The following AGBL4 variants were observed in gnomAD, a reference collection of about 807,000 sequenced individuals.
AGBL4 encodes the protein AGBL carboxypeptidase 4, also known as cytosolic carboxypeptidase 6.
AGBL4 carries 58 observed loss-of-function variants against 66.4 expected under a neutral mutation model. The ratio of observed to expected loss-of-function variants is 0.87; its 90% confidence interval spans 0.71 to 1.09. The LOEUF is 1.09. Among genes scored for constraint, AGBL4 ranks in the 50% least tolerant of loss-of-function variants. The probability of loss-of-function intolerance (pLI) is 0.00; values close to 1 mark genes in which losing one functional copy is unlikely to be tolerated. For synonymous variants in AGBL4, 234 were observed against 222.9 expected, an observed-to-expected ratio of 1.05 and a Z score of -0.44; for missense variants, 579 against 631.0, an observed-to-expected ratio of 0.92 and a Z score of 0.88.
intron 2 of AGBL4, among the ~76,000 whole-genome samples, chr1:49,719,710 T>G (rs756103536): frequency 1.3e-5 from 2 of 152,160 alleles, no homozygotes; most frequent in Non-Finnish European, 2.9e-5. Context: ...AAATCTTATC[T>G]TGAATTGTAG....
At chr1:49,261,378 T>G (rs900115547) in intron 3 of AGBL4, among the ~76,000 whole-genome samples, 3 of 152,184 alleles carry the variant, frequency 2.0e-5, no homozygotes, top group Admixed American at 2.0e-4. Flanking sequence ...TGTCCCTGTT[T>G]GCAGACGACA....
intron 4 of AGBL4, among the ~76,000 whole-genome samples, chr1:49,183,520 C>G (rs929698759): frequency 2.6e-5 from 4 of 152,090 alleles, no homozygotes; most frequent in Non-Finnish European, 5.9e-5. Flanking sequence ...CACAAAAGTG[C>G]TATTTCTAAT....
intron 1 of AGBL4, among the ~76,000 whole-genome samples, chr1:49,968,481 C>T (rs563572993): frequency 3.9e-5 from 6 of 152,270 alleles, no homozygotes; most frequent in Admixed American, 3.9e-4. Context: ...AAACTATCAA[C>T]TCGCTTACCC....
chr1:49,799,626 G>GA (rs1319127469), intron 2 of AGBL4, among the ~76,000 whole-genome samples: 3 of 152,024 alleles, frequency 2.0e-5, no homozygotes, highest in Non-Finnish European at 4.4e-5. Context: ...ATTTTAGAGT[G>GA]AAAAAACAAG....
At chr1:49,730,152 C>A (rs902557401) in intron 2 of AGBL4, among the ~76,000 whole-genome samples, 1 of 152,144 alleles carries the variant, frequency 6.6e-6, no homozygotes, top group African/African-American at 2.4e-5. Flanking sequence ...CAGTGGGCTA[C>A]CCACTTCAGG....
At chr1:49,934,789 T>C (rs1571902144) in intron 1 of AGBL4, among the ~76,000 whole-genome samples, 1 of 121,654 alleles carries the variant, frequency 8.2e-6, no homozygotes, top group South Asian at 2.5e-4. Context: ...TAGAAGAAAG[T>C]AAATAATAAA....
intron 3 of AGBL4, among the ~76,000 whole-genome samples, chr1:49,594,290 C>G (rs1416398189): frequency 6.6e-6 from 1 of 152,104 alleles, no homozygotes; most frequent in African/African-American, 2.4e-5. Flanking sequence ...GAGGAAGCTT[C>G]CTTTTCCTCA....
intron 3 of AGBL4, among the ~76,000 whole-genome samples, chr1:49,382,578 AG>A (rs1644644202): frequency 6.6e-6 from 1 of 152,136 alleles, no homozygotes; most frequent in African/African-American, 2.4e-5. Flanking sequence ...AAAGCCTGAA[AG>A]CTTTCCCTCT....
intron 1 of AGBL4, among the ~76,000 whole-genome samples, chr1:49,858,618 G>A (rs1646490447): frequency 6.6e-6 from 1 of 152,072 alleles, no homozygotes; most frequent in Admixed American, 6.6e-5. Flanking sequence ...TTAAGACCAA[G>A]AACTAAAACT....
chr1:49,887,197 GTA>G (rs1045517367), intron 1 of AGBL4, among the ~76,000 whole-genome samples: 4 of 146,170 alleles, frequency 2.7e-5, no homozygotes, highest in Admixed American at 6.9e-5. Context: ...ATATGTGTAT[GTA>G]TATATATATA....
chr1:48,872,394 T>G (rs1240108971), intron 5 of AGBL4, among the ~76,000 whole-genome samples: 1 of 152,288 alleles, frequency 6.6e-6, no homozygotes, highest in East Asian at 1.9e-4. Context: ...AGCTAATACA[T>G]TTGATCTTAC....
intron 3 of AGBL4, among the ~76,000 whole-genome samples, chr1:49,682,218 C>CAACAT (rs1646708560): frequency 6.6e-6 from 1 of 151,986 alleles, no homozygotes; most frequent in African/African-American, 2.4e-5. Flanking sequence ...CCATCCTGGC[C>CAACAT]AACATGGTGA....
chr1:49,117,580 T>C (rs1322527054), intron 4 of AGBL4, among the ~76,000 whole-genome samples: 2 of 152,178 alleles, frequency 1.3e-5, no homozygotes, highest in Non-Finnish European at 2.9e-5. Flanking sequence ...TTAGTCTATA[T>C]ATCTGTTTTG....
chr1:49,724,422 A>G (rs1340931475), intron 2 of AGBL4, among the ~76,000 whole-genome samples: 1 of 152,170 alleles, frequency 6.6e-6, no homozygotes, highest in Non-Finnish European at 1.5e-5. Context: ...TGACAGACAT[A>G]GTCCCTTTCC....
At chr1:48,729,912 A>G (rs1331429223) in intron 6 of AGBL4, among the ~76,000 whole-genome samples, 1 of 152,152 alleles carries the variant, frequency 6.6e-6, no homozygotes, top group African/African-American at 2.4e-5. Context: ...ACAAGAAGGT[A>G]GGAGGCCCTG....
intron 3 of AGBL4, among the ~76,000 whole-genome samples, chr1:49,435,081 A>G (rs1306174758): frequency 6.6e-6 from 1 of 152,088 alleles, no homozygotes; most frequent in Admixed American, 6.6e-5. Context: ...AGTACTTCCT[A>G]TTATTACATC....
chr1:48,612,001 C>T (rs1361877832), intron 9 of AGBL4, among the ~76,000 whole-genome samples: 1 of 152,086 alleles, frequency 6.6e-6, no homozygotes, highest in African/African-American at 2.4e-5. Flanking sequence ...CTCTTCTGGC[C>T]CTAGGAAGTG....
At chr1:49,785,899 T>A (rs200284946) in intron 2 of AGBL4, among the ~76,000 whole-genome samples, 4,039 of 142,332 alleles carry the variant, frequency 0.028, 56 homozygotes, top group Middle Eastern at 0.066. Context: ...AAAAAATATA[T>A]ATATATATAT....
At chr1:49,867,472 A>C in intron 1 of AGBL4, among the ~76,000 whole-genome samples, 1 of 148,410 alleles carries the variant, frequency 6.7e-6, no homozygotes, top group South Asian at 2.2e-4. Flanking sequence ...TATATCTCCC[A>C]ATGCTATCCC....
Sources: allele counts gnomAD v4.1 joint callset (sites outside exome capture counted in the v4.1 genomes callset), GRCh38; gene constraint gnomAD v4.1.1; transcripts MANE v1.5; gene names NCBI Gene and HGNC (gene_info 2026-07-23, HGNC 2026-07-21).